The following PCDH9 variants were observed in gnomAD, a reference collection of about 807,000 sequenced individuals.
PCDH9 encodes protocadherin 9.
Under a neutral mutation model 70.6 loss-of-function variants are expected in PCDH9, and 24 were observed. The observed-to-expected ratio is 0.34, with a 90% CI of 0.25 to 0.48. PCDH9 has a LOEUF of 0.48. Ranked by LOEUF, PCDH9 falls within the 20% of genes least tolerant of loss-of-function variation. The probability of loss-of-function intolerance (pLI) is 0.99; values close to 1 mark genes in which losing one functional copy is unlikely to be tolerated. For missense variants in PCDH9, 1,281 were observed against 1,503.6 expected, an observed-to-expected ratio of 0.85 and a Z score of 2.45; for synonymous variants, 562 against 558.5, an observed-to-expected ratio of 1.01 and a Z score of -0.09.
rs1167483395 is a variant in PCDH9 at position 67,140,036 on chromosome 13, C to G, written c.3036+85369G>C. 1.1e-4 allele frequency among the ~76,000 whole-genome samples: 15 copies of G among 131,462 alleles called. No homozygotes were observed. The East Asian group carries it at 1.3e-3, about 11-fold the overall frequency. The allele number at this position is 131,462 out of a possible 152,430, so 86.2% of individuals were successfully genotyped here. ...GTGATTTTTTGATCACCCCCCCCCC[C>G]CCGCCCATTGTGTTATTTTTTAAAA... On this transcript the variant is annotated intron_variant, in intron 2 of 4. Coordinates refer to ENST00000377865, the MANE Select transcript of PCDH9 (RefSeq NM_203487.3).
At chr13:66,909,032 CT>C (rs972839459) in intron 2 of PCDH9, among the ~76,000 whole-genome samples, 2 of 151,988 alleles carry the variant, frequency 1.3e-5, no homozygotes, top group African/African-American at 4.8e-5. Context: ...GAAATGTTAC[CT>C]GTATCTATAG....
Position 67,204,935 on chromosome 13 carries a change from T to C in PCDH9, c.3036+20470A>G, listed in dbSNP as rs570381184. 3.3e-5 allele frequency: 5 copies of C among 152,302 alleles called. No homozygotes were observed. The South Asian group carries it at 1.0e-3, about 32-fold the overall frequency. 9.4% of individuals were successfully genotyped at this position (152,302 alleles called of 1,614,324 possible). On this transcript the variant is annotated intron_variant, in intron 2 of 4. Transcript: ENST00000377865. The stretch of plus-strand genomic sequence containing the variant: ...AATTTGGCACTCTTCCATGAAAATC[T>C]GCTAAAAAGAGATTACTTAAAGTGT...
intron 2 of PCDH9, among the ~76,000 whole-genome samples, chr13:67,087,694 G>GT (rs1222305384): frequency 1.3e-5 from 2 of 151,910 alleles, no homozygotes; most frequent in Non-Finnish European, 2.9e-5. Flanking sequence ...AGGCCAATGT[G>GT]TTTTTTTCTT....
At chr13:67,011,866 C>G (rs949430922) in intron 2 of PCDH9, among the ~76,000 whole-genome samples, 3 of 151,828 alleles carry the variant, frequency 2.0e-5, no homozygotes, top group Non-Finnish European at 4.4e-5. Flanking sequence ...TATCAGTAAA[C>G]CTGTCCTCCC....
At chr13:66,790,715 C>A (rs755551705) in intron 3 of PCDH9, among the ~76,000 whole-genome samples, 16 of 151,896 alleles carry the variant, frequency 1.1e-4, no homozygotes, top group Non-Finnish European at 2.1e-4. Flanking sequence ...ATCAAGTATC[C>A]TTATTTATTT....
intron 3 of PCDH9, among the ~76,000 whole-genome samples, chr13:66,809,833 T>C (rs913480721): frequency 3.9e-5 from 6 of 152,194 alleles, no homozygotes; most frequent in African/African-American, 1.4e-4. Flanking sequence ...TGAAAACACA[T>C]TTAACAAAGT....
intron 2 of PCDH9, among the ~76,000 whole-genome samples, chr13:67,164,674 C>T (rs1445860350): frequency 6.6e-6 from 1 of 152,110 alleles, no homozygotes; most frequent in Non-Finnish European, 1.5e-5. Flanking sequence ...CAGGTGCCTG[C>T]ACTCTGATCA....
chr13:66,342,171 T>C (rs913205678), intron 4 of PCDH9, among the ~76,000 whole-genome samples: 1 of 152,198 alleles, frequency 6.6e-6, no homozygotes, highest in Admixed American at 6.5e-5. Context: ...AAAACATCCA[T>C]AATGTGGAGC....
At chr13:66,760,412 A>G (rs960712539) in intron 3 of PCDH9, among the ~76,000 whole-genome samples, 2 of 152,166 alleles carry the variant, frequency 1.3e-5, no homozygotes, top group African/African-American at 4.8e-5. Flanking sequence ...GGCTGAAGCT[A>G]TGGCAGAAGA....
rs10219941 is a variant in PCDH9 at position 66,892,530 on chromosome 13, G to A, written c.3138+10974C>T. Reference sequence around the variant, plus strand: ...TATCACAGCATTTGGGCTTTGCTACGTTGTAAAGTGTTTAGAAACCAGAAA... The same window carrying A: ...TATCACAGCATTTGGGCTTTGCTACATTGTAAAGTGTTTAGAAACCAGAAA... On this transcript the variant is annotated intron_variant, in intron 3 of 4. Transcript: ENST00000377865. Among the ~76,000 whole-genome samples the A allele has an allele frequency of 2.3e-3, 355 of 151,870 alleles. 1 individual carries two copies. Among genetic ancestry groups the A allele is most frequent in the African/African-American group, 8.3e-3 (342 of 41,450 alleles).
At chr13:67,217,381 A>G (rs962266927) in intron 2 of PCDH9, 2 of 152,072 alleles carry the variant, frequency 1.3e-5, no homozygotes, top group African/African-American at 4.8e-5. Flanking sequence ...CCCTGTGCCT[A>G]CTGTGGGCTG....
At chr13:66,637,360 T>A (rs1162892793) in intron 3 of PCDH9, among the ~76,000 whole-genome samples, 1 of 152,224 alleles carries the variant, frequency 6.6e-6, no homozygotes, top group Non-Finnish European at 1.5e-5. Flanking sequence ...TCTGAACTTA[T>A]GATTTATGGA....
chr13:66,511,663 T>C (rs1338603395), intron 4 of PCDH9, among the ~76,000 whole-genome samples: 1 of 152,174 alleles, frequency 6.6e-6, no homozygotes, highest in African/African-American at 2.4e-5. Context: ...TTCTCAGGAA[T>C]ATTTTAGTAC....
At chr13:67,214,774 A>T (rs987622687) in intron 2 of PCDH9, 1 of 151,460 alleles carries the variant, frequency 6.6e-6, no homozygotes, top group East Asian at 2.0e-4. Context: ...AGTCGTGAAA[A>T]AGATACAATA....
intron 3 of PCDH9, among the ~76,000 whole-genome samples, chr13:66,846,430 T>A (rs9317618): frequency 1.8e-4 from 28 of 151,944 alleles, no homozygotes; most frequent in Non-Finnish European, 2.8e-4. Context: ...GTTGACCAGA[T>A]GTTTTTTTAG....
intron 2 of PCDH9, among the ~76,000 whole-genome samples, chr13:67,013,277 A>ACG (rs912699715): frequency 6.6e-6 from 1 of 151,354 alleles, no homozygotes; most frequent in Admixed American, 6.6e-5. Flanking sequence ...ACACACACAC[A>ACG]CACACACACA....
Position 67,154,860 on chromosome 13 carries a change from C to T in PCDH9, c.3036+70545G>A, listed in dbSNP as rs1484015243. 3.3e-5 allele frequency among the ~76,000 whole-genome samples: 5 copies of T among 151,792 alleles called. No individual in the cohort carries two copies. In the East Asian group the frequency reaches 9.8e-4, roughly 30 times the overall value. On this transcript the variant is annotated intron_variant, in intron 2 of 4. Coordinates refer to ENST00000377865, the MANE Select transcript of PCDH9 (RefSeq NM_203487.3). ...CTGGTACTACAGGTGCGTGTCACCA[C>T]ACCCAGCAAATTTTTTGTATTTTTA...
At chr13:66,749,862 C>T (rs572133556) in intron 3 of PCDH9, among the ~76,000 whole-genome samples, 109 of 152,232 alleles carry the variant, frequency 7.2e-4, no homozygotes, top group African/African-American at 2.6e-3. Context: ...CCCTTGCACC[C>T]TAACTCCAGA....
intron 3 of PCDH9, among the ~76,000 whole-genome samples, chr13:66,845,882 T>A (rs970797173): frequency 5.3e-5 from 8 of 152,160 alleles, no homozygotes; most frequent in Non-Finnish European, 8.8e-5. Flanking sequence ...TAATAATAAA[T>A]AGTTACAACA....
Sources: allele counts gnomAD v4.1 joint callset (sites outside exome capture counted in the v4.1 genomes callset), GRCh38; gene constraint gnomAD v4.1.1; transcripts MANE v1.5; gene names NCBI Gene and HGNC (gene_info 2026-07-23, HGNC 2026-07-21).